The following RNF144A variants were observed in gnomAD, a reference collection of about 807,000 sequenced individuals.
RNF144A encodes the protein ring finger protein 144A, also known as E3 ubiquitin-protein ligase RNF144A.
In RNF144A, 11 loss-of-function variants were observed where a neutral mutation model predicts 38.7. The observed-to-expected ratio is 0.28, with a 90% confidence interval of 0.18 to 0.47. The LOEUF (loss-of-function observed/expected upper bound fraction) is 0.47. Among genes scored for constraint, RNF144A ranks in the 20% least tolerant of loss-of-function variants. The pLI is 0.99. For missense variants in RNF144A, 316 were observed against 377.2 expected (o/e 0.84, Z 1.34); for synonymous variants, 149 against 143.9 (o/e 1.04, Z -0.25).
At chr2:7,024,319 T>A (rs375569988) in intron 6 of RNF144A, 50 bp from the exon 7 acceptor site, 1 of 1,518,138 alleles carries the variant, frequency 6.6e-7, no homozygotes, top group Non-Finnish European at 9.0e-7. Context: ...TGCTCCTGGG[T>A]CTCCCGTGGG....
intron 1 of RNF144A, among the ~76,000 whole-genome samples, chr2:6,932,449 T>C (rs1405406493): frequency 2.4e-4 from 36 of 152,242 alleles, no homozygotes; most frequent in Admixed American, 2.4e-3. Flanking sequence ...TGTGTATTGC[T>C]ATTTGGAGAT....
intron 1 of RNF144A, among the ~76,000 whole-genome samples, chr2:6,922,642 T>TGAGATG (rs1664610277): frequency 6.6e-6 from 1 of 150,576 alleles, no homozygotes; most frequent in African/African-American, 2.4e-5. Flanking sequence ...TTTTTTTTTT[T>TGAGATG]GAGATGGAGT....
intron 6 of RNF144A, among the ~76,000 whole-genome samples, chr2:7,063,937 C>T (rs309269): frequency 0.36 from 54,012 of 151,928 alleles, 10,650 homozygotes; most frequent in South Asian, 0.55. Context: ...CTTATGGTTC[C>T]GGGGGCTGGG....
At chr2:7,039,551 G>A in intron 8 of RNF144A, 78 bp from the exon 9 acceptor site, 1 of 1,565,180 alleles carries the variant, frequency 6.4e-7, no homozygotes, top group Non-Finnish European at 8.7e-7. Context: ...TGGGTAGCTG[G>A]TTGTGTGGTT....
In RNF144A at chr2:7,010,060, A is replaced by G. The variant is rs546272836; in HGVS notation, c.136-4394A>G. ...AGTTCTTGTTTTCAAAGAATTCACC[A>G]TCTACTAGAGGAGAAACATAAACAG... On this transcript the variant is annotated intron_variant, in intron 3 of 8. Transcript: ENST00000320892. 8.5e-5 allele frequency among the ~76,000 whole-genome samples: 13 copies of G among 152,372 alleles called. No individual in the cohort carries two copies. The East Asian group carries it at 2.1e-3, about 25-fold the overall frequency.
At chr2:6,992,718 G>A (rs993273605) in intron 2 of RNF144A, among the ~76,000 whole-genome samples, 1 of 152,136 alleles carries the variant, frequency 6.6e-6, no homozygotes, top group African/African-American at 2.4e-5. Flanking sequence ...GCTCAGAGAT[G>A]GGATAGTTTT....
At chr2:7,013,759 A>G (rs781757919) in intron 3 of RNF144A, among the ~76,000 whole-genome samples, 17 of 152,110 alleles carry the variant, frequency 1.1e-4, no homozygotes, top group Non-Finnish European at 2.1e-4. Flanking sequence ...TTTTATATTA[A>G]CTCTACTTCA....
At chr2:7,008,194 C>T (rs1670571034) in intron 3 of RNF144A, among the ~76,000 whole-genome samples, 1 of 152,254 alleles carries the variant, frequency 6.6e-6, no homozygotes, top group South Asian at 2.1e-4. Context: ...TTGGCTGCCG[C>T]CCAGACCTCA....
chr2:6,993,751 C>T (rs879122878), intron 2 of RNF144A, among the ~76,000 whole-genome samples: 1 of 152,132 alleles, frequency 6.6e-6, no homozygotes. Context: ...GATTGAACTT[C>T]CGAAATGACT....
intron 2 of RNF144A, among the ~76,000 whole-genome samples, chr2:6,990,566 CACACAA>C (rs1266244712): frequency 0.045 from 2,915 of 64,168 alleles, 96 homozygotes; most frequent in African/African-American, 0.13. Flanking sequence ...GATTGCTACA[CACACAA>C]ACACACACAC....
At chr2:6,986,823 C>T (rs1325461882) in intron 2 of RNF144A, among the ~76,000 whole-genome samples, 1 of 152,052 alleles carries the variant, frequency 6.6e-6, no homozygotes, top group Admixed American at 6.5e-5. Context: ...GCTGTGACTT[C>T]TTAGCAAATC....
intron 6 of RNF144A, among the ~76,000 whole-genome samples, chr2:7,049,553 C>T (rs1351834569): frequency 7.2e-5 from 11 of 152,226 alleles, no homozygotes; most frequent in Middle Eastern, 3.4e-3. Context: ...CTGTGCTCAG[C>T]GATTTGAGTT....
At chr2:6,919,638 C>A (rs866369784) in intron 1 of RNF144A, among the ~76,000 whole-genome samples, 2 of 152,250 alleles carry the variant, frequency 1.3e-5, no homozygotes, top group Non-Finnish European at 1.5e-5. Flanking sequence ...CCGAGTCAGA[C>A]CCCCACTGGC....
intron 8 of RNF144A, among the ~76,000 whole-genome samples, chr2:7,031,701 C>T (rs1030808590): frequency 2.0e-5 from 3 of 152,242 alleles, no homozygotes; most frequent in Admixed American, 6.5e-5. Context: ...AGGGAAAGGT[C>T]CACCTACAGC....
chr2:7,033,893 C>T (rs1040921532), intron 8 of RNF144A, among the ~76,000 whole-genome samples: 3 of 152,298 alleles, frequency 2.0e-5, no homozygotes, highest in African/African-American at 7.2e-5. Flanking sequence ...ACCCGTTTGG[C>T]CGTGGGTGTT....
chr2:6,917,827 C>T lies in RNF144A; in HGVS notation c.-212+205C>T, dbSNP rs549757796. ...ACTCGCGGGCTCCGTTCAGAGGACGCCCGCCCTGCCCTGCCCGTGTCCCTG... is the reference window on the plus strand; with the variant it reads ...ACTCGCGGGCTCCGTTCAGAGGACGTCCGCCCTGCCCTGCCCGTGTCCCTG... On this transcript the variant is annotated intron_variant, in intron 1 of 8. Transcript: ENST00000320892. The surrounding 1 kb of genome is among the most constrained non-coding windows in gnomAD (Gnocchi z 4.8). Among the ~76,000 whole-genome samples, 332 of 150,954 alleles carry T rather than the reference C, an allele frequency of 2.2e-3. 4 individuals carry two copies. The highest frequency in any genetic ancestry group is 7.7e-3 in the African/African-American group (317 of 41,384).
chr2:6,980,345 G>A lies in RNF144A; in HGVS notation c.-11-16571G>A, dbSNP rs771258. 2.6e-5 allele frequency among the ~76,000 whole-genome samples: 4 copies of A among 152,246 alleles called. 1 individual carries two copies. In the East Asian group the frequency reaches 5.8e-4, roughly 22 times the overall value. ...TGAGACAAGACAAGTCCCTTCCACC[G>A]AAGAGCCTGTAAAATCACAAGCCAG... On this transcript the variant is annotated intron_variant, in intron 2 of 8. Coordinates refer to ENST00000320892, the MANE Select transcript of RNF144A (RefSeq NM_014746.6).
rs920209705 is a variant in RNF144A, at chr2:7,040,489, G to T, written c.*729G>T. 1.0e-6 allele frequency: 1 copy of T among 985,128 alleles called. No homozygotes were observed. The highest frequency in any genetic ancestry group is 6.1e-5 in the Admixed American group (1 of 16,262). 61.0% of individuals were successfully genotyped at this position (985,128 alleles called of 1,614,324 possible). A position where few individuals can be genotyped will look rare whatever the true frequency, so the allele number is the denominator to read the frequency against. Reference sequence around the variant, plus strand: ...GTTGCATTTCCTTGATAATATTGACGTGTTTAAAGGAACATCTCATCTCCA... The same window carrying T: ...GTTGCATTTCCTTGATAATATTGACTTGTTTAAAGGAACATCTCATCTCCA... On this transcript the variant is annotated 3_prime_UTR_variant, in exon 9 of 9. Transcript: ENST00000320892.
chr2:6,965,444 C>T (rs965261137), intron 2 of RNF144A, among the ~76,000 whole-genome samples: 8 of 152,176 alleles, frequency 5.3e-5, no homozygotes, highest in African/African-American at 1.9e-4. Context: ...GTCAATTACT[C>T]AATTACAGAA....
Sources: allele counts gnomAD v4.1 joint callset (sites outside exome capture counted in the v4.1 genomes callset), GRCh38; gene constraint gnomAD v4.1.1; non-coding constraint Gnocchi (gnomAD v3.1); transcripts MANE v1.5; gene names NCBI Gene and HGNC (gene_info 2026-07-23, HGNC 2026-07-21).